The following CENPI variants were observed in gnomAD, a reference collection of about 807,000 sequenced individuals.
The protein encoded by CENPI is FSH primary response 1.
CENPI carries 4 observed loss-of-function variants against 60.4 expected under a neutral mutation model. That is an observed-to-expected ratio of 0.07 (90% CI 0.03 to 0.15). The LOEUF is 0.15. CENPI is among the 10% of genes least tolerant of loss of function. The pLI is 1.00. For missense variants in CENPI, 444 were observed against 534.5 expected, an observed-to-expected ratio of 0.83 and a Z score of 1.67; for synonymous variants, 157 against 189.4, an observed-to-expected ratio of 0.83 and a Z score of 1.40.
chrX:101,180,669 C>T, the CENPI span, among the ~76,000 whole-genome samples: 2 of 111,972 alleles, frequency 1.8e-5, no homozygotes, highest in Non-Finnish European at 3.8e-5. Context: ...AAACTGTTGC[C>T]TAGTCCAGGG....
chrX:101,148,927 A>G (rs920510407), intron 20 of CENPI, among the ~76,000 whole-genome samples: 4 of 112,089 alleles, frequency 3.6e-5, no homozygotes, highest in Non-Finnish European at 7.5e-5. Context: ...TACAGTGAAT[A>G]AGACACTCTG....
chrX:101,147,631 T>C, intron 18 of CENPI, 132 bp from the exon 19 acceptor site: 3 of 502,718 alleles, frequency 6.0e-6, no homozygotes, highest in Non-Finnish European at 9.8e-6. Context: ...ACTAGACAAC[T>C]GGATATTTGT....
At chrX:101,131,752 T>C (rs751160354) in intron 13 of CENPI, among the ~76,000 whole-genome samples, 3 of 111,538 alleles carry the variant, frequency 2.7e-5, no homozygotes, top group Admixed American at 9.6e-5. Flanking sequence ...GGTGGAAATA[T>C]AAGCAACCTA....
At chrX:101,105,633 G>T (rs1337596502) in intron 4 of CENPI, among the ~76,000 whole-genome samples, 3 of 111,475 alleles carry the variant, frequency 2.7e-5, no homozygotes, top group Non-Finnish European at 5.6e-5. Context: ...GCAGTGCAGT[G>T]GTATGATCAT....
At chrX:101,154,841 T>C (rs1463415123) in intron 20 of CENPI, among the ~76,000 whole-genome samples, 1 of 111,678 alleles carries the variant, frequency 9.0e-6, no homozygotes, top group Non-Finnish European at 1.9e-5. Context: ...ATGGAATATT[T>C]TTCTTAATTT....
chrX:101,178,946 A>G, the CENPI span, among the ~76,000 whole-genome samples: 52 of 112,328 alleles, frequency 4.6e-4, no homozygotes, highest in African/African-American at 1.6e-3. Context: ...TTCTTTAAGC[A>G]TTTTTTAAAG....
At chrX:101,119,399 CTAT>C (rs983736172) in intron 6 of CENPI, among the ~76,000 whole-genome samples, 41 of 111,414 alleles carry the variant, frequency 3.7e-4, no homozygotes, top group African/African-American at 1.3e-3. Context: ...TTTCACTTTC[CTAT>C]TATTTAGAGA....
At chrX:101,124,655 G>A (rs1569500443) in intron 8 of CENPI, among the ~76,000 whole-genome samples, 1 of 110,867 alleles carries the variant, frequency 9.0e-6, no homozygotes, top group Non-Finnish European at 1.9e-5. Flanking sequence ...TCATGGGGGC[G>A]GTTTCCCCCA....
chrX:101,132,383 G>T lies in CENPI; in HGVS notation c.1406-9G>T, dbSNP rs753268332. ...AAGGATTTTGAATAATCTTTTTTTT[G>T]ATTCCTAGAGGTGAAACCACTTCTT... On this transcript the variant is annotated splice_polypyrimidine_tract_variant and intron_variant, in intron 14 of 21. Coordinates refer to ENST00000682095, the MANE Select transcript of CENPI (RefSeq NM_001386188.2). 5.8e-6 allele frequency: 7 copies of T among 1,202,320 alleles called. No homozygotes were observed. Among genetic ancestry groups the T allele is most frequent in the Admixed American group, 2.2e-5 (1 of 45,089 alleles).
At chrX:101,100,938 A>G (rs2089407675) in intron 2 of CENPI, 120 bp from the exon 3 acceptor site, 3 of 447,329 alleles carry the variant, frequency 6.7e-6, no homozygotes, top group Admixed American at 3.9e-5. Flanking sequence ...CAACTTATTT[A>G]TTGTATGCCT....
chrX:101,121,453 G>T (rs890632708), intron 8 of CENPI, among the ~76,000 whole-genome samples: 1 of 109,585 alleles, frequency 9.1e-6, no homozygotes, highest in Non-Finnish European at 1.9e-5. Context: ...ACCATGCCTG[G>T]CTAATTTTTT....
intron 2 of CENPI, chrX:101,099,879 C>T (rs976016304): frequency 2.8e-5 from 3 of 106,148 alleles, no homozygotes; most frequent in African/African-American, 1.0e-4. Context: ...CCTCGACCCC[C>T]GGGGCTCAAG....
chrX:101,132,399 A>G lies in CENPI; in HGVS notation c.1413A>G (p.Lys471=). 2 of 1,209,314 alleles carry G rather than the reference A, an allele frequency of 1.7e-6. No individual in the cohort carries two copies. Among genetic ancestry groups the G allele is most frequent in the Non-Finnish European group, 2.2e-6 (2 of 893,666 alleles). The change falls in exon 15 of 22, where the codon AAA becomes AAG. Residue 471 remains lysine (K), a synonymous_variant. Transcript: ENST00000682095. ...WIPFSSFSEV[K]PLLFDHLAQL... is the part of the protein sequence containing the mutation. The stretch of plus-strand genomic sequence containing the variant: ...CTTTTTTTTGATTCCTAGAGGTGAA[A>G]CCACTTCTTTTTGACCATCTAGCGC...
Position 101,101,063 on chromosome X carries a change from A to G in CENPI, c.-8A>G, listed in dbSNP as rs756631764. ...TAACACTTGTTTCTGTGTAGAACATATGCAGTAATGTCACCTCAAAAGAGA... is the reference window on the plus strand; with the variant it reads ...TAACACTTGTTTCTGTGTAGAACATGTGCAGTAATGTCACCTCAAAAGAGA... On this transcript the variant is annotated 5_prime_UTR_variant, in exon 3 of 22. The change creates a new upstream start codon in the 5' untranslated region. Transcript: ENST00000682095. 8.5e-7 allele frequency: 1 copy of G among 1,175,753 alleles called. No individual in the cohort carries two copies. Among genetic ancestry groups the G allele is most frequent in the Non-Finnish European group, 1.2e-6 (1 of 862,966 alleles).
At chrX:101,175,556 G>A in the CENPI span, among the ~76,000 whole-genome samples, 2 of 112,106 alleles carry the variant, frequency 1.8e-5, no homozygotes, top group African/African-American at 6.5e-5. Context: ...CCTTGTGTTT[G>A]GAAATGAATT....
the CENPI span, among the ~76,000 whole-genome samples, chrX:101,178,369 G>A: frequency 7.2e-5 from 7 of 97,668 alleles, no homozygotes; most frequent in African/African-American, 2.3e-4. Flanking sequence ...CCCTTCCTTA[G>A]GATCTATGCT....
intron 6 of CENPI, among the ~76,000 whole-genome samples, chrX:101,113,057 G>A (rs1331354275): frequency 1.9e-5 from 2 of 107,542 alleles, no homozygotes; most frequent in Non-Finnish European, 3.8e-5. Context: ...AAGTGTTTTC[G>A]TACCTACTTA....
chrX:101,145,224 T>C, intron 17 of CENPI, 25 bp downstream of exon 17: 3 of 1,163,041 alleles, frequency 2.6e-6, no homozygotes, highest in African/African-American at 3.5e-5. Context: ...ATTTTCCCCA[T>C]TTGGATTTAT....
chrX:101,169,986 A>G (rs1400828967), downstream of CENPI, among the ~76,000 whole-genome samples: 1 of 112,330 alleles, frequency 8.9e-6, no homozygotes, highest in Non-Finnish European at 1.9e-5. Context: ...TATGAAGTAA[A>G]AAGTTACAGT....
Sources: gnomAD v4.1 joint callset for allele counts (sites outside exome capture counted in the v4.1 genomes callset) on GRCh38, gnomAD v4.1.1 for gene constraint, MANE v1.5 for transcripts, NCBI Gene and HGNC (gene_info 2026-07-23, HGNC 2026-07-21) for gene names.